The following SMARCA1 variants were observed in gnomAD, a reference collection of about 807,000 sequenced individuals.
SMARCA1 encodes the protein SNF2 related chromatin remodeling ATPase 1.
In SMARCA1, 17 loss-of-function variants were observed where a neutral mutation model predicts 93.6. That is an observed-to-expected ratio of 0.18 (90% CI 0.12 to 0.27). The LOEUF (loss-of-function observed/expected upper bound fraction) is 0.27. Among genes scored for constraint, SMARCA1 ranks in the 10% least tolerant of loss-of-function variants. The pLI is 1.00. For synonymous variants in SMARCA1, 271 were observed against 271.4 expected (o/e 1.00, Z 0.01); for missense variants, 630 against 819.0 (o/e 0.77, Z 2.82).
At position 129,493,023 on chromosome X, in the gene SMARCA1, C is replaced by T. The variant is rs1380083904; in HGVS notation, c.1662+17G>A. 2.1e-6 allele frequency: 1 copy of T among 475,743 alleles called. No homozygotes were observed. The highest frequency in any genetic ancestry group is 3.8e-6 in the Non-Finnish European group (1 of 260,792). The allele number at this position is 475,743 out of a possible 1,213,427, so 39.2% of individuals were successfully genotyped here. A position where few individuals can be genotyped will look rare whatever the true frequency, so the allele number is the denominator to read the frequency against. On this transcript the variant is annotated intron_variant, in intron 13 of 24. Coordinates refer to ENST00000371121, the MANE Select transcript of SMARCA1 (RefSeq NM_001282874.2). Reference sequence around the variant, plus strand: ...CAATTTGGCAATATGCATCAAGAGCCTTAAAAATGTTCATACCCTTTGACC... The same window carrying T: ...CAATTTGGCAATATGCATCAAGAGCTTTAAAAATGTTCATACCCTTTGACC...
At chrX:129,495,720 T>C (rs755243466) in intron 12 of SMARCA1, among the ~76,000 whole-genome samples, 1 of 109,472 alleles carries the variant, frequency 9.1e-6, no homozygotes, top group Non-Finnish European at 1.9e-5. Flanking sequence ...TAAGATAGAA[T>C]TGATTTCATC....
At chrX:129,508,460 T>C (rs1027384483) in intron 6 of SMARCA1, among the ~76,000 whole-genome samples, 1 of 112,504 alleles carries the variant, frequency 8.9e-6, no homozygotes, top group Non-Finnish European at 1.9e-5. Flanking sequence ...CTGAACAACA[T>C]ATTCTTGCCA....
intron 1 of SMARCA1, among the ~76,000 whole-genome samples, chrX:129,522,131 C>T (rs755382873): frequency 4.5e-5 from 5 of 111,164 alleles, no homozygotes; most frequent in East Asian, 2.8e-4. Context: ...AATGCTTATG[C>T]CCCATCCTAT....
chrX:129,502,366 TA>T (rs1934601727), intron 9 of SMARCA1, among the ~76,000 whole-genome samples: 2 of 111,366 alleles, frequency 1.8e-5, no homozygotes, highest in Non-Finnish European at 3.8e-5. Flanking sequence ...AAGGGACTGA[TA>T]GGGGTGGACA....
At chrX:129,511,376 CCAAGT>C (rs1348049023) in intron 6 of SMARCA1, among the ~76,000 whole-genome samples, 2 of 111,747 alleles carry the variant, frequency 1.8e-5, no homozygotes, top group Non-Finnish European at 3.8e-5. Flanking sequence ...TGTGTGTACA[CCAAGT>C]CAAAAGTCAA....
intron 1 of SMARCA1, 127 bp downstream of exon 1, chrX:129,523,069 GC>G: frequency 1.4e-6 from 1 of 722,909 alleles, no homozygotes; most frequent in Non-Finnish European, 2.0e-6. Context: ...GCCGACCCCC[GC>G]ACCCGCCGCC....
intron 21 of SMARCA1, among the ~76,000 whole-genome samples, chrX:129,466,590 G>C (rs1427055801): frequency 3.6e-5 from 4 of 111,090 alleles, no homozygotes; most frequent in African/African-American, 1.3e-4. Flanking sequence ...GGAAAGTGGA[G>C]GTTGCAGTGA....
chrX:129,484,665 T>C (rs1356823769), intron 17 of SMARCA1, among the ~76,000 whole-genome samples: 1 of 111,559 alleles, frequency 9.0e-6, no homozygotes, highest in African/African-American at 3.3e-5. Context: ...ACTCAAAACA[T>C]CCATGAGTCC....
chrX:129,485,783 C>T (rs1268676736), intron 17 of SMARCA1, among the ~76,000 whole-genome samples: 1 of 110,878 alleles, frequency 9.0e-6, no homozygotes, highest in Non-Finnish European at 1.9e-5. Context: ...CTAGCATTTC[C>T]CTCCTCTCTC....
In SMARCA1 at chrX:129,506,194, A is replaced by C; in HGVS notation, c.984T>G (p.Arg328=). Residue 328 remains arginine, a synonymous_variant, in exon 8 of 25, where the codon CGT becomes CGG. Coordinates refer to ENST00000371121, the MANE Select transcript of SMARCA1 (RefSeq NM_001282874.2). The part of the protein sequence containing the change: ...NEKSKLSEIV[R]EFKSTNRLLL... ...GCAAGCGGTTAGTCGACTTGAACTC[A>C]CGAACAATCTCTGAAAGCTAGAAAA... 8.4e-7 allele frequency: 1 copy of C among 1,191,420 alleles called. No homozygotes were observed. Among genetic ancestry groups the C allele is most frequent in the Non-Finnish European group, 1.1e-6 (1 of 877,796 alleles).
intron 9 of SMARCA1, among the ~76,000 whole-genome samples, chrX:129,503,569 G>C (rs190892229): frequency 8.9e-6 from 1 of 111,751 alleles, no homozygotes; most frequent in Non-Finnish European, 1.9e-5. Context: ...AGAAAATGCA[G>C]AGGTCTGGGG....
intron 12 of SMARCA1, among the ~76,000 whole-genome samples, chrX:129,495,645 T>A (rs896799905): frequency 9.0e-6 from 1 of 110,893 alleles, no homozygotes; most frequent in Admixed American, 9.6e-5. Flanking sequence ...ATCCCAAACG[T>A]TGGTATTACA....
chrX:129,490,265 T>C (rs1934070581), intron 14 of SMARCA1, 73 bp from the exon 15 acceptor site: 1 of 713,064 alleles, frequency 1.4e-6, no homozygotes, highest in Admixed American at 3.6e-5. Context: ...TGCTATAAAA[T>C]TCTAAAAATA....
chrX:129,453,254 T>C (rs934630118), intron 23 of SMARCA1, among the ~76,000 whole-genome samples: 2 of 111,697 alleles, frequency 1.8e-5, no homozygotes, highest in African/African-American at 6.5e-5. Flanking sequence ...AGTGAGGAAG[T>C]TGAGACAGGC....
intron 21 of SMARCA1, among the ~76,000 whole-genome samples, chrX:129,468,534 A>G (rs1932987514): frequency 8.9e-6 from 1 of 112,297 alleles, no homozygotes; most frequent in African/African-American, 3.2e-5. Flanking sequence ...CCCTTGTTTT[A>G]TCAGAGCTTT....
chrX:129,462,556 AATT>A (rs1390572843), intron 23 of SMARCA1, among the ~76,000 whole-genome samples: 1 of 109,106 alleles, frequency 9.2e-6, no homozygotes, highest in Non-Finnish European at 1.9e-5. Flanking sequence ...TATAAGCAAA[AATT>A]ATTATAAGCA....
chrX:129,500,757 A>T (rs186248522), intron 9 of SMARCA1, among the ~76,000 whole-genome samples: 1 of 112,145 alleles, frequency 8.9e-6, no homozygotes. Context: ...TTGATCTGCA[A>T]TGCCAGTATC....
intron 17 of SMARCA1, among the ~76,000 whole-genome samples, 174 bp downstream of exon 17, chrX:129,486,844 C>T (rs779542473): frequency 5.4e-5 from 6 of 110,656 alleles, no homozygotes; most frequent in Admixed American, 1.9e-4. Context: ...ATGACGACGA[C>T]GACGATAAAC....
chrX:129,514,303 C>T lies in SMARCA1; in HGVS notation c.630+1384G>A, dbSNP rs6654591. 4.4e-3 allele frequency among the ~76,000 whole-genome samples: 490 copies of T among 110,709 alleles called. 3 individuals are homozygous for T. Among genetic ancestry groups the T allele is most frequent in the African/African-American group, 0.015 (464 of 30,510 alleles). The stretch of plus-strand genomic sequence containing the variant: ...CTGCACTCCAGCCTGGGCGACAGAG[C>T]GAGACTCCGTCTCAAAAAAAAAAAA... On this transcript the variant is annotated intron_variant, in intron 5 of 24. Transcript: ENST00000371121.
Sources: gnomAD v4.1 joint callset for allele counts (sites outside exome capture counted in the v4.1 genomes callset) on GRCh38, gnomAD v4.1.1 for gene constraint, MANE v1.5 for transcripts, NCBI Gene and HGNC (gene_info 2026-07-23, HGNC 2026-07-21) for gene names.